ARHGAP15: variants seen among roughly 807,000 people sequenced by gnomAD.
ARHGAP15 encodes the protein Rho GTPase activating protein 15.
In ARHGAP15, 51 loss-of-function variants were observed where a neutral mutation model predicts 63.7. The ratio of observed to expected loss-of-function variants is 0.80; its 90% CI spans 0.64 to 1.01. ARHGAP15 has a LOEUF of 1.01. ARHGAP15 is among the 50% of genes least tolerant of loss of function. The probability of loss-of-function intolerance (pLI) is 0.00; values close to 1 mark genes in which losing one functional copy is unlikely to be tolerated. For missense variants in ARHGAP15, 560 were observed against 564.6 expected, an observed-to-expected ratio of 0.99 and a Z score of 0.08; for synonymous variants, 191 against 193.8, an observed-to-expected ratio of 0.99 and a Z score of 0.12.
chr2:143,654,360 A>G (rs971359868), intron 12 of ARHGAP15, among the ~76,000 whole-genome samples: 1 of 152,186 alleles, frequency 6.6e-6, no homozygotes, highest in Non-Finnish European at 1.5e-5. Flanking sequence ...CAGTGAGGTC[A>G]CTATAACTTA....
intron 3 of ARHGAP15, among the ~76,000 whole-genome samples, chr2:143,207,884 T>A (rs911582457): frequency 6.6e-6 from 1 of 152,142 alleles, no homozygotes; most frequent in Non-Finnish European, 1.5e-5. Context: ...TCTTTACATC[T>A]GATTAATCTA....
chr2:143,711,180 A>G (rs1291917745), intron 13 of ARHGAP15, among the ~76,000 whole-genome samples: 1 of 152,220 alleles, frequency 6.6e-6, no homozygotes, highest in Admixed American at 6.5e-5. Context: ...AATATTTACC[A>G]TCTGACCCTT....
chr2:143,184,898 G>C (rs1201601390), intron 2 of ARHGAP15, among the ~76,000 whole-genome samples: 1 of 150,354 alleles, frequency 6.7e-6, no homozygotes, highest in Non-Finnish European at 1.5e-5. Flanking sequence ...GCTCAGACTG[G>C]TCTCACACAT....
At chr2:143,638,575 G>T (rs1039026267) in intron 12 of ARHGAP15, among the ~76,000 whole-genome samples, 1 of 147,860 alleles carries the variant, frequency 6.8e-6, no homozygotes, top group Admixed American at 6.8e-5. Flanking sequence ...TGGGTGCAGC[G>T]CACCAGCATG....
intron 8 of ARHGAP15, among the ~76,000 whole-genome samples, chr2:143,485,058 C>A (rs1692262719): frequency 6.6e-6 from 1 of 151,992 alleles, no homozygotes; most frequent in African/African-American, 2.4e-5. Context: ...CCTATAGTAC[C>A]CATTTTTTAA....
chr2:143,449,944 G>A (rs572347843), intron 8 of ARHGAP15, among the ~76,000 whole-genome samples: 58 of 151,942 alleles, frequency 3.8e-4, no homozygotes, highest in South Asian at 2.1e-3. Flanking sequence ...GGACAGTAAT[G>A]AGACAGGTCT....
chr2:143,324,048 C>T (rs1441181381), intron 6 of ARHGAP15, among the ~76,000 whole-genome samples: 1 of 151,966 alleles, frequency 6.6e-6, no homozygotes, highest in Non-Finnish European at 1.5e-5. Flanking sequence ...GAAGTTGAGG[C>T]CATGTGCTAT....
intron 6 of ARHGAP15, among the ~76,000 whole-genome samples, chr2:143,319,217 T>C (rs1004964612): frequency 1.3e-4 from 20 of 151,578 alleles, no homozygotes; most frequent in Non-Finnish European, 2.2e-4. Flanking sequence ...ATTTTCTTTA[T>C]TGGTTCCCGC....
At chr2:143,456,064 C>T (rs763775406) in intron 8 of ARHGAP15, among the ~76,000 whole-genome samples, 51 of 152,120 alleles carry the variant, frequency 3.4e-4, no homozygotes, top group Non-Finnish European at 1.2e-4. Context: ...GTAATAATGA[C>T]GAATCTGGGT....
Position 143,300,416 on chromosome 2 carries a change from T to C in ARHGAP15, c.474+49816T>C, listed in dbSNP as rs367614096. Among the ~76,000 whole-genome samples, 5 of 152,196 alleles carry C rather than the reference T, an allele frequency of 3.3e-5. No individual in the cohort carries two copies. The East Asian group carries it at 9.7e-4, about 29-fold the overall frequency. On this transcript the variant is annotated intron_variant, in intron 6 of 13. Coordinates refer to ENST00000295095, the MANE Select transcript of ARHGAP15 (RefSeq NM_018460.4). ...TATGGTTTCAAGTTATCTCTAAGCA[T>C]CCATTTGGTTGTCCATATAGGATCC...
At chr2:143,337,158 CA>C (rs1334654726) in intron 6 of ARHGAP15, among the ~76,000 whole-genome samples, 1 of 152,006 alleles carries the variant, frequency 6.6e-6, no homozygotes, top group African/African-American at 2.4e-5. Flanking sequence ...AAGTGAACTC[CA>C]GACTGAGTGA....
At chr2:143,348,875 C>T (rs944322475) in intron 6 of ARHGAP15, among the ~76,000 whole-genome samples, 1 of 152,050 alleles carries the variant, frequency 6.6e-6, no homozygotes, top group African/African-American at 2.4e-5. Flanking sequence ...TCCAATCTTC[C>T]AAATAAGGAA....
intron 13 of ARHGAP15, among the ~76,000 whole-genome samples, chr2:143,765,245 C>T (rs72861319): frequency 6.6e-6 from 1 of 151,716 alleles, no homozygotes; most frequent in African/African-American, 2.4e-5. Flanking sequence ...TTACTAATGG[C>T]TTTTATAATA....
chr2:143,478,423 G>A (rs372514085), intron 8 of ARHGAP15, among the ~76,000 whole-genome samples: 3 of 152,280 alleles, frequency 2.0e-5, no homozygotes, highest in East Asian at 3.9e-4. Flanking sequence ...AGTATGGTGA[G>A]GCAAGGGGGT....
intron 5 of ARHGAP15, among the ~76,000 whole-genome samples, chr2:143,231,353 A>G (rs191346849): frequency 5.2e-4 from 79 of 152,302 alleles, no homozygotes; most frequent in African/African-American, 1.7e-3. Flanking sequence ...AGACATTTAT[A>G]GAAGAGAGAA....
intron 8 of ARHGAP15, among the ~76,000 whole-genome samples, chr2:143,462,247 C>T (rs954982753): frequency 6.6e-6 from 1 of 152,090 alleles, no homozygotes; most frequent in Non-Finnish European, 1.5e-5. Flanking sequence ...AATTGATAGG[C>T]CATCTCCATT....
chr2:143,548,115 A>G (rs916626458), intron 10 of ARHGAP15, among the ~76,000 whole-genome samples: 1 of 152,146 alleles, frequency 6.6e-6, no homozygotes, highest in Non-Finnish European at 1.5e-5. Flanking sequence ...GAGGTTTGTT[A>G]AGAGCTCAGG....
At chr2:143,749,735 C>CA (rs1178091236) in intron 13 of ARHGAP15, among the ~76,000 whole-genome samples, 1 of 152,132 alleles carries the variant, frequency 6.6e-6, no homozygotes, top group Non-Finnish European at 1.5e-5. Context: ...GTTTTAAATT[C>CA]AAAATCCCTT....
intron 6 of ARHGAP15, among the ~76,000 whole-genome samples, chr2:143,368,372 T>A (rs573850696): frequency 1.3e-5 from 2 of 152,190 alleles, no homozygotes; most frequent in Admixed American, 6.5e-5. Context: ...TGTTCAGAGA[T>A]GTTGTTCCAC....
Sources: allele counts gnomAD v4.1 joint callset (sites outside exome capture counted in the v4.1 genomes callset), GRCh38; gene constraint gnomAD v4.1.1; transcripts MANE v1.5; gene names NCBI Gene and HGNC (gene_info 2026-07-23, HGNC 2026-07-21).